The following SRGAP1 variants were observed in gnomAD, a reference collection of about 807,000 sequenced individuals.
SRGAP1 encodes SLIT-ROBO Rho GTPase activating protein 1.
Under a neutral mutation model 121.9 loss-of-function variants are expected in SRGAP1, and 43 were observed. The observed-to-expected ratio is 0.35, with a 90% CI of 0.28 to 0.46. The LOEUF is 0.46. Among genes scored for constraint, SRGAP1 ranks in the 20% least tolerant of loss-of-function variants. The pLI, the probability that SRGAP1 is intolerant of heterozygous loss-of-function variation, is 1.00. For missense variants in SRGAP1, 1,102 were observed against 1,350.9 expected (o/e 0.82, Z 2.89); for synonymous variants, 447 against 485.4 (o/e 0.92, Z 1.04).
intron 1 of SRGAP1, among the ~76,000 whole-genome samples, chr12:63,887,191 C>T (rs1900415960): frequency 6.6e-6 from 1 of 152,096 alleles, no homozygotes; most frequent in African/African-American, 2.4e-5. Flanking sequence ...ATGATTTTAA[C>T]CAGTGGGGTC....
intron 6 of SRGAP1, among the ~76,000 whole-genome samples, chr12:64,060,764 T>C (rs1041640228): frequency 6.6e-6 from 1 of 152,174 alleles, no homozygotes; most frequent in Non-Finnish European, 1.5e-5. Context: ...TCCTGGTAGA[T>C]ACATCCTTTG....
At chr12:63,921,801 G>A (rs375255000) in intron 1 of SRGAP1, among the ~76,000 whole-genome samples, 1 of 152,138 alleles carries the variant, frequency 6.6e-6, no homozygotes, top group South Asian at 2.1e-4. Context: ...ACAAGGGATT[G>A]CTCAAATATC....
At chr12:63,998,392 A>T (rs2033775704) in intron 3 of SRGAP1, among the ~76,000 whole-genome samples, 1 of 152,170 alleles carries the variant, frequency 6.6e-6, no homozygotes, top group African/African-American at 2.4e-5. Flanking sequence ...GAGAGAAAGA[A>T]ATCAGAGTGG....
At chr12:63,981,615 A>T in intron 1 of SRGAP1, among the ~76,000 whole-genome samples, 1 of 152,232 alleles carries the variant, frequency 6.6e-6, no homozygotes, top group East Asian at 1.9e-4. Flanking sequence ...ACTTACTTTG[A>T]TTGACTAAAA....
Position 64,135,712 on chromosome 12 carries a change from A to G in SRGAP1, c.2881-6583A>G, listed in dbSNP as rs563989932. Among the ~76,000 whole-genome samples the G allele has an allele frequency of 1.2e-4, 19 of 152,314 alleles. 1 individual carries two copies. The South Asian group carries it at 2.3e-3, about 18-fold the overall frequency. On this transcript the variant is annotated intron_variant, in intron 21 of 21. Transcript: ENST00000355086. ...CCTTAGTATTTTTTGGTCTAATCAT[A>G]TAAAGCAGAAGCCCCAAAATCAATG... is the stretch of plus-strand genomic sequence containing the variant.
chr12:63,892,528 A>G (rs1343865611), intron 1 of SRGAP1, among the ~76,000 whole-genome samples: 1 of 152,248 alleles, frequency 6.6e-6, no homozygotes, highest in Non-Finnish European at 1.5e-5. Flanking sequence ...TTTAACAGTC[A>G]GAATAAAAGT....
At chr12:64,133,330 CTG>C (rs2036814029) in intron 21 of SRGAP1, among the ~76,000 whole-genome samples, 1 of 152,242 alleles carries the variant, frequency 6.6e-6, no homozygotes, top group Non-Finnish European at 1.5e-5. Context: ...CTAAGTATGT[CTG>C]TGCCAATTAT....
At chr12:64,001,840 CT>C (rs2033910188) in intron 3 of SRGAP1, among the ~76,000 whole-genome samples, 1 of 152,170 alleles carries the variant, frequency 6.6e-6, no homozygotes, top group Non-Finnish European at 1.5e-5. Flanking sequence ...GACCTGTGCC[CT>C]CCCCAAAAGG....
At chr12:64,039,743 G>T (rs2034977390) in intron 4 of SRGAP1, among the ~76,000 whole-genome samples, 3 of 151,616 alleles carry the variant, frequency 2.0e-5, no homozygotes, top group Non-Finnish European at 4.4e-5. Flanking sequence ...GGAATAACAA[G>T]AGCCAAGCCT....
intron 4 of SRGAP1, among the ~76,000 whole-genome samples, chr12:64,037,799 A>G (rs972450523): frequency 6.6e-6 from 1 of 152,186 alleles, no homozygotes; most frequent in Admixed American, 6.5e-5. Context: ...TTAGTCTCCA[A>G]AATTTTAAAC....
intron 1 of SRGAP1, among the ~76,000 whole-genome samples, chr12:63,872,774 C>G (rs954522415): frequency 2.0e-5 from 3 of 152,164 alleles, no homozygotes; most frequent in African/African-American, 7.2e-5. Context: ...GAAATACAGT[C>G]CATGTCTTTT....
At chr12:63,922,126 C>T (rs2031081679) in intron 1 of SRGAP1, among the ~76,000 whole-genome samples, 1 of 151,964 alleles carries the variant, frequency 6.6e-6, no homozygotes, top group South Asian at 2.1e-4. Flanking sequence ...TTACAGGCGC[C>T]CACCACCACA....
intron 12 of SRGAP1, 100 bp downstream of exon 12, chr12:64,091,478 C>A: frequency 1.4e-6 from 1 of 734,994 alleles, no homozygotes; most frequent in Non-Finnish European, 2.1e-6. Flanking sequence ...CCAAGTCTGT[C>A]CTGGGGCTCT....
chr12:63,860,989 C>T (rs1899426568), intron 1 of SRGAP1, among the ~76,000 whole-genome samples: 1 of 151,894 alleles, frequency 6.6e-6, no homozygotes, highest in East Asian at 1.9e-4. Context: ...GCGCAGACCG[C>T]CAAGCCTGGC....
chr12:63,984,551 G>GC (rs1028825433), intron 2 of SRGAP1, among the ~76,000 whole-genome samples: 37 of 152,148 alleles, frequency 2.4e-4, no homozygotes, highest in African/African-American at 8.9e-4. Flanking sequence ...TGAATTTTGT[G>GC]CCCCCCTTCC....
At chr12:63,855,510 G>T (rs2136259168) in intron 1 of SRGAP1, among the ~76,000 whole-genome samples, 1 of 114,418 alleles carries the variant, frequency 8.7e-6, no homozygotes, top group South Asian at 3.1e-4. Flanking sequence ...TTTTTTGAGG[G>T]AGAGTCTCAC....
chr12:63,951,257 G>A (rs556756463), intron 1 of SRGAP1, among the ~76,000 whole-genome samples: 31 of 140,826 alleles, frequency 2.2e-4, no homozygotes, highest in Non-Finnish European at 4.4e-4. Flanking sequence ...TCCGCTTTCC[G>A]GGTTCAAGCA....
chr12:63,884,531 T>C (rs1372369687), intron 1 of SRGAP1, among the ~76,000 whole-genome samples: 1 of 152,094 alleles, frequency 6.6e-6, no homozygotes, highest in African/African-American at 2.4e-5. Context: ...TGTTTCTTTG[T>C]GGTGAGAACA....
At chr12:64,134,420 C>CAAAA (rs750862183) in intron 21 of SRGAP1, among the ~76,000 whole-genome samples, 1 of 119,450 alleles carries the variant, frequency 8.4e-6, no homozygotes, top group Non-Finnish European at 1.8e-5. Flanking sequence ...GACTCCATCT[C>CAAAA]AAAAAAAAAA....
Sources: allele counts gnomAD v4.1 joint callset (sites outside exome capture counted in the v4.1 genomes callset), GRCh38; gene constraint gnomAD v4.1.1; transcripts MANE v1.5; gene names NCBI Gene and HGNC (gene_info 2026-07-23, HGNC 2026-07-21).